Variants in MICU3 observed in about 807,000 individuals in gnomAD.
MICU3 encodes calcium uptake protein 3, mitochondrial.
MICU3 carries 62 observed loss-of-function variants against 66.5 expected under a neutral mutation model. The ratio of observed to expected loss-of-function variants is 0.93; its 90% CI spans 0.76 to 1.15. The LOEUF (loss-of-function observed/expected upper bound fraction) is 1.15. Among genes scored for constraint, MICU3 ranks in the 50% most tolerant of loss-of-function variants. The pLI is 0.00. For synonymous variants in MICU3, 308 were observed against 240.7 expected (o/e 1.28, Z -2.59); for missense variants, 779 against 664.4 (o/e 1.17, Z -1.90).
intron 3 of MICU3, among the ~76,000 whole-genome samples, chr8:17,077,541 C>G (rs1236565892): frequency 6.6e-6 from 1 of 152,110 alleles, no homozygotes; most frequent in African/African-American, 2.4e-5. Flanking sequence ...TTCAACTTAT[C>G]TGAAATTTTA....
intron 4 of MICU3, among the ~76,000 whole-genome samples, chr8:17,080,390 A>C (rs1325312152): frequency 6.6e-6 from 1 of 152,074 alleles, no homozygotes; most frequent in Non-Finnish European, 1.5e-5. Flanking sequence ...TTAACTATCA[A>C]ATAAAAGATG....
intron 1 of MICU3, among the ~76,000 whole-genome samples, chr8:17,038,244 C>A (rs1813392463): frequency 6.6e-6 from 1 of 152,120 alleles, no homozygotes; most frequent in South Asian, 2.1e-4. Context: ...TTGTAATAAT[C>A]CCCACGTGTC....
Position 17,105,419 on chromosome 8 carries a change from G to A in MICU3, c.1092G>A (p.Met364Ile). 1.3e-6 allele frequency: 2 copies of A among 1,530,144 alleles called. No homozygotes were observed. The highest frequency in any genetic ancestry group is 1.2e-5 in the South Asian group (1 of 81,474). The allele number at this position is 1,530,144 out of a possible 1,614,324, so 94.8% of individuals were successfully genotyped here. A position where few individuals can be genotyped will look rare whatever the true frequency, so the allele number is the denominator to read the frequency against. ...TATTACATTTTTGTCATAGATTCAT[G>A]GATAATCTCCAAACAGAAGTTCTAG... ...ELNFEDFYRF[M>I]DNLQTEVLEI... The change falls in exon 11 of 15, where the codon ATG becomes ATA. Residue 364 changes from methionine to isoleucine, a missense_variant. Physicochemically the swap from Met to Ile is conservative, Grantham distance 10 (BLOSUM62 1). Transcript: ENST00000318063.
chr8:17,066,052 G>A (rs76927887), intron 2 of MICU3, among the ~76,000 whole-genome samples: 6 of 151,158 alleles, frequency 4.0e-5, no homozygotes, highest in Non-Finnish European at 8.8e-5. Context: ...GATGGGAAAG[G>A]TGAAAAATTA....
chr8:17,093,476 A>G (rs560284409), intron 8 of MICU3, among the ~76,000 whole-genome samples: 1 of 152,106 alleles, frequency 6.6e-6, no homozygotes, highest in African/African-American at 2.4e-5. Flanking sequence ...GTTGTGTAAT[A>G]TATACAGATG....
intron 1 of MICU3, among the ~76,000 whole-genome samples, chr8:17,029,790 A>G (rs2070300134): frequency 6.6e-6 from 1 of 152,162 alleles, no homozygotes; most frequent in African/African-American, 2.4e-5. Flanking sequence ...TCCGTGTCTA[A>G]AAAATTCTGT....
At chr8:17,078,391 A>G (rs752126481) in intron 4 of MICU3, among the ~76,000 whole-genome samples, 2 of 152,156 alleles carry the variant, frequency 1.3e-5, no homozygotes, top group Non-Finnish European at 2.9e-5. Flanking sequence ...TCTATTATCA[A>G]TATCAATATT....
chr8:17,053,251 T>C lies in MICU3; in HGVS notation c.382-10833T>C, dbSNP rs144427387. 9.3e-4 allele frequency among the ~76,000 whole-genome samples: 142 copies of C among 152,320 alleles called. 2 individuals carry two copies. Among genetic ancestry groups the C allele is most frequent in the African/African-American group, 3.3e-3 (138 of 41,576 alleles). ...ATTGATATAATTGTTTTAAATTGCC[T>C]CTTTTAGGGTATTATCAGCTGGTAG... On this transcript the variant is annotated intron_variant, in intron 1 of 14. Coordinates refer to ENST00000318063, the MANE Select transcript of MICU3 (RefSeq NM_181723.3).
At chr8:17,065,160 A>G (rs1323100547) in intron 2 of MICU3, among the ~76,000 whole-genome samples, 2 of 152,158 alleles carry the variant, frequency 1.3e-5, no homozygotes, top group East Asian at 3.8e-4. Context: ...ACAAATAATC[A>G]TTTGTTCGAC....
intron 2 of MICU3, among the ~76,000 whole-genome samples, chr8:17,069,093 G>T (rs1819157536): frequency 1.3e-5 from 2 of 152,122 alleles, no homozygotes; most frequent in African/African-American, 2.4e-5. Context: ...ATTTTATTCA[G>T]CTGTAACACT....
chr8:17,053,286 T>C (rs1413934601), intron 1 of MICU3, among the ~76,000 whole-genome samples: 3 of 152,204 alleles, frequency 2.0e-5, no homozygotes, highest in African/African-American at 7.2e-5. Flanking sequence ...GGCGTAAGTT[T>C]CTCTAATTGT....
intron 11 of MICU3, among the ~76,000 whole-genome samples, chr8:17,108,937 T>G (rs1447952645): frequency 1.3e-5 from 2 of 152,140 alleles, no homozygotes; most frequent in Non-Finnish European, 2.9e-5. Context: ...TCTTTACTGT[T>G]TCTCAAATCT....
At chr8:17,079,280 C>T (rs1054887287) in intron 4 of MICU3, among the ~76,000 whole-genome samples, 1 of 152,022 alleles carries the variant, frequency 6.6e-6, no homozygotes, top group African/African-American at 2.4e-5. Context: ...TCTAGCGTAA[C>T]TGAGGAACTT....
chr8:17,107,286 C>T (rs1777577833), intron 11 of MICU3, among the ~76,000 whole-genome samples: 1 of 152,106 alleles, frequency 6.6e-6, no homozygotes, highest in Admixed American at 6.5e-5. Context: ...GAGGTAACTT[C>T]TGGGGAGAGA....
At chr8:17,106,108 T>C (rs1458153047) in intron 11 of MICU3, among the ~76,000 whole-genome samples, 3 of 152,038 alleles carry the variant, frequency 2.0e-5, no homozygotes, top group Admixed American at 2.0e-4. Context: ...AACAAATGTG[T>C]TGTCAGTGCT....
intron 1 of MICU3, among the ~76,000 whole-genome samples, chr8:17,031,301 A>ATTT (rs1404008103): frequency 2.0e-5 from 3 of 147,596 alleles, no homozygotes; most frequent in African/African-American, 7.5e-5. Context: ...TATTATTATT[A>ATTT]TTTTGAGACA....
chr8:17,058,587 G>A (rs919536239), intron 1 of MICU3, among the ~76,000 whole-genome samples: 4 of 152,024 alleles, frequency 2.6e-5, no homozygotes, highest in African/African-American at 7.3e-5. Flanking sequence ...GAGACTTTGG[G>A]GTTTTTTTAA....
At chr8:17,069,595 G>A in intron 2 of MICU3, 93 bp from the exon 3 acceptor site, 1 of 707,760 alleles carries the variant, frequency 1.4e-6, no homozygotes, top group Non-Finnish European at 2.2e-6. Flanking sequence ...ATAAAAGTTT[G>A]GTTATGAGTT....
At position 17,121,996 on chromosome 8, in the gene MICU3, A is replaced by G. The variant is rs927885589; in HGVS notation, c.*1709A>G. The G allele has an allele frequency of 1.3e-5, 2 of 151,844 alleles. No homozygotes were observed. The highest frequency in any genetic ancestry group is 4.8e-5 in the African/African-American group (2 of 41,426). The allele number at this position is 151,844 out of a possible 1,614,324, so 9.4% of individuals were successfully genotyped here. On this transcript the variant is annotated 3_prime_UTR_variant, in exon 15 of 15. Transcript: ENST00000318063. The stretch of plus-strand genomic sequence containing the variant: ...AATTGAAAAAAATGCAGTTTCCTTT[A>G]ATCCTTGACTATAAGTTATACTATG...
Sources: allele counts gnomAD v4.1 joint callset (sites outside exome capture counted in the v4.1 genomes callset), GRCh38; gene constraint gnomAD v4.1.1; transcripts MANE v1.5; gene names NCBI Gene and HGNC (gene_info 2026-07-23, HGNC 2026-07-21).